Variants in CCDC7 observed in about 807,000 individuals in gnomAD.
CCDC7 encodes coiled-coil domain containing 7, also known as coiled-coil domain-containing protein 7.
A neutral mutation model predicts 196.9 loss-of-function variants in CCDC7; 183 were observed. The ratio of observed to expected loss-of-function variants is 0.93; its 90% CI spans 0.82 to 1.05. The LOEUF is 1.05. CCDC7 is among the 50% of genes least tolerant of loss of function. The probability of loss-of-function intolerance (pLI) is 0.00; values close to 1 mark genes in which losing one functional copy is unlikely to be tolerated. For missense variants in CCDC7, 1,540 were observed against 1,482.2 expected (o/e 1.04, Z -0.64); for synonymous variants, 525 against 484.6 (o/e 1.08, Z -1.10).
chr10:32,814,536 G>A (rs1200090732), intron 31 of CCDC7, 83 bp downstream of exon 32: 2 of 928,816 alleles, frequency 2.2e-6, no homozygotes, highest in Non-Finnish European at 3.4e-6. Flanking sequence ...TCTTTAAGGA[G>A]AACAGTGCCT....
chr10:32,467,135 C>T (rs1391922596), intron 5 of CCDC7, among the ~76,000 whole-genome samples: 1 of 150,378 alleles, frequency 6.6e-6, no homozygotes, highest in East Asian at 2.0e-4. Context: ...CAGAGTCTTG[C>T]TCCCTCGCCA....
chr10:32,727,139 A>G (rs1187057633), intron 26 of CCDC7, among the ~76,000 whole-genome samples: 1 of 152,032 alleles, frequency 6.6e-6, no homozygotes, highest in Non-Finnish European at 1.5e-5. Context: ...TTTCCTGGAG[A>G]TCATACCCAA....
chr10:32,787,150 A>T (rs936673937), intron 29 of CCDC7, among the ~76,000 whole-genome samples: 1 of 152,186 alleles, frequency 6.6e-6, no homozygotes, highest in African/African-American at 2.4e-5. Flanking sequence ...TGAAGAAATG[A>T]TGGGTAAAAA....
chr10:32,626,674 A>G (rs1248271523), intron 18 of CCDC7, among the ~76,000 whole-genome samples: 1 of 151,932 alleles, frequency 6.6e-6, no homozygotes, highest in East Asian at 1.9e-4. Flanking sequence ...TTTTCTTCTA[A>G]TAGCTTTATA....
At chr10:32,837,978 G>A (rs557638141) in intron 33 of CCDC7, among the ~76,000 whole-genome samples, 87 of 152,000 alleles carry the variant, frequency 5.7e-4, no homozygotes, top group Middle Eastern at 3.4e-3. Context: ...TAATGTAAAT[G>A]ATGAGTTAAT....
intron 28 of CCDC7, among the ~76,000 whole-genome samples, chr10:32,777,702 C>CA (rs758852561): frequency 0.038 from 5,416 of 143,376 alleles, 239 homozygotes; most frequent in African/African-American, 0.11. Context: ...ACTAAAAATA[C>CA]AAAAAAAAAA....
chr10:32,532,833 T>G (rs529405767), intron 11 of CCDC7, among the ~76,000 whole-genome samples: 100 of 152,268 alleles, frequency 6.6e-4, no homozygotes, highest in African/African-American at 2.2e-3. Context: ...ATTTTTCCAC[T>G]CCATTCACTT....
intron 30 of CCDC7, among the ~76,000 whole-genome samples, chr10:32,810,947 A>G (rs1330673826): frequency 4.6e-5 from 7 of 152,100 alleles, no homozygotes; most frequent in Admixed American, 4.6e-4. Flanking sequence ...TAAAAAGGAA[A>G]TCAAAAAATG....
chr10:32,585,123 T>G (rs1972354), intron 18 of CCDC7, among the ~76,000 whole-genome samples: 149,734 of 151,530 alleles, frequency 0.99, 74,004 homozygotes, highest in Middle Eastern at 1. Context: ...GCCCAGGCTG[T>G]AGTGCAGTGG....
intron 24 of CCDC7, among the ~76,000 whole-genome samples, chr10:32,696,360 T>C (rs113909316): frequency 1.6e-4 from 24 of 152,120 alleles, no homozygotes; most frequent in African/African-American, 5.8e-4. Context: ...CTGTGCACTA[T>C]TATGCAAAAG....
intron 21 of CCDC7, among the ~76,000 whole-genome samples, chr10:32,667,734 GT>G (rs2073113288): frequency 6.6e-6 from 1 of 152,130 alleles, no homozygotes; most frequent in African/African-American, 2.4e-5. Flanking sequence ...CCATATCTCT[GT>G]TTTGGTACCA....
At chr10:32,589,227 C>T (rs539074620) in intron 18 of CCDC7, among the ~76,000 whole-genome samples, 1 of 152,218 alleles carries the variant, frequency 6.6e-6, no homozygotes, top group East Asian at 1.9e-4. Flanking sequence ...TTTTAGCTCC[C>T]ACAAATAAGT....
chr10:32,620,715 AGT>A (rs1304579475), intron 18 of CCDC7, among the ~76,000 whole-genome samples: 2 of 152,172 alleles, frequency 1.3e-5, no homozygotes, highest in African/African-American at 4.8e-5. Context: ...TGTGTTTAGC[AGT>A]GTCTGATTAA....
chr10:32,728,899 T>C, exon 27 of CCDC7: 1 of 1,597,024 alleles, frequency 6.3e-7, no homozygotes, highest in Non-Finnish European at 8.6e-7. Flanking sequence ...CGTATTGTAG[T>C]ACCAAATGAA....
intron 24 of CCDC7, among the ~76,000 whole-genome samples, chr10:32,703,762 A>C (rs552876295): frequency 6.6e-6 from 1 of 151,960 alleles, no homozygotes; most frequent in East Asian, 1.9e-4. Flanking sequence ...CATTTCATTC[A>C]TTTGATCTTC....
chr10:32,705,732 A>G (rs1407878069), intron 24 of CCDC7, among the ~76,000 whole-genome samples: 1 of 152,176 alleles, frequency 6.6e-6, no homozygotes, highest in Non-Finnish European at 1.5e-5. Flanking sequence ...AGGGCATTAC[A>G]TAATGGTAAA....
intron 9 of CCDC7, among the ~76,000 whole-genome samples, chr10:32,502,408 A>G (rs1307400094): frequency 6.6e-6 from 1 of 152,008 alleles, no homozygotes; most frequent in Non-Finnish European, 1.5e-5. Flanking sequence ...AACCAGTCCT[A>G]TTGAGATGTA....
At chr10:32,673,631 T>G (rs568962056) in intron 21 of CCDC7, among the ~76,000 whole-genome samples, 1 of 147,096 alleles carries the variant, frequency 6.8e-6, no homozygotes, top group South Asian at 2.2e-4. Context: ...TTTACTGAAT[T>G]TATTAGTTCT....
chr10:32,466,117 T>C (rs1465989033), intron 5 of CCDC7, among the ~76,000 whole-genome samples: 1 of 152,222 alleles, frequency 6.6e-6, no homozygotes, highest in Non-Finnish European at 1.5e-5. Context: ...CTGCACAGTA[T>C]ACTTCTGATC....
Sources: gnomAD v4.1 joint callset for allele counts (sites outside exome capture counted in the v4.1 genomes callset) on GRCh38, gnomAD v4.1.1 for gene constraint, MANE v1.5 for transcripts, NCBI Gene and HGNC (gene_info 2026-07-23, HGNC 2026-07-21) for gene names.